Variants in EPB41L2 observed in about 807,000 individuals in gnomAD.
EPB41L2 encodes the protein erythrocyte membrane protein band 4.1 like 2.
In EPB41L2, 43 loss-of-function variants were observed where a neutral mutation model predicts 113.0. The ratio of observed to expected loss-of-function variants is 0.38; its 90% CI spans 0.30 to 0.49. The LOEUF is 0.49. EPB41L2 is among the 20% of genes least tolerant of loss of function. The pLI is 0.95. For missense variants in EPB41L2, 1,147 were observed against 1,223.4 expected (o/e 0.94, Z 0.93); for synonymous variants, 442 against 436.7 (o/e 1.01, Z -0.15).
At chr6:130,958,416 C>T (rs1183055796) in intron 1 of EPB41L2, among the ~76,000 whole-genome samples, 2 of 146,952 alleles carry the variant, frequency 1.4e-5, no homozygotes, top group Non-Finnish European at 3.0e-5. Flanking sequence ...TGTGTCACTG[C>T]ACTCCAGTCT....
Position 131,029,449 on chromosome 6 carries a change from C to G in EPB41L2, c.-15+33706G>C, listed in dbSNP as rs150032602. ...ATTCCACTAGTCAAATTCTGAAAAC[C>G]ACCTGGCTAAATAGCACATTAATAA... On this transcript the variant is annotated intron_variant, in intron 1 of 19. Transcript: ENST00000337057. Among the ~76,000 whole-genome samples the G allele has an allele frequency of 2.7e-5, 4 of 147,450 alleles. No homozygotes were observed. In the East Asian group the frequency reaches 8.0e-4, roughly 29 times the overall value.
At chr6:130,900,715 G>A (rs537285067) in intron 7 of EPB41L2, among the ~76,000 whole-genome samples, 1 of 152,222 alleles carries the variant, frequency 6.6e-6, no homozygotes, top group East Asian at 1.9e-4. Context: ...AGGTGTCATG[G>A]GGAAAAGTAC....
Position 131,045,103 on chromosome 6 carries a change from T to G in EPB41L2, c.-15+18052A>C, listed in dbSNP as rs565873109. On this transcript the variant is annotated intron_variant, in intron 1 of 19. Coordinates refer to ENST00000337057, the MANE Select transcript of EPB41L2 (RefSeq NM_001431.4). ...TCAACAAGTTGCCCCCCAGTAAGTT[T>G]TATCCCTTCAGTTATTTCTACGGCT... 3.9e-5 allele frequency among the ~76,000 whole-genome samples: 6 copies of G among 152,244 alleles called. No individual in the cohort carries two copies. The South Asian group carries it at 1.2e-3, about 32-fold the overall frequency.
chr6:130,919,569 G>T (rs549183324), intron 4 of EPB41L2, among the ~76,000 whole-genome samples: 1 of 151,992 alleles, frequency 6.6e-6, no homozygotes, highest in South Asian at 2.1e-4. Flanking sequence ...CCCCAGCCAC[G>T]TTCTCCCAAT....
At chr6:130,895,704 C>T (rs532454176) in intron 8 of EPB41L2, among the ~76,000 whole-genome samples, 2 of 152,174 alleles carry the variant, frequency 1.3e-5, no homozygotes, top group Non-Finnish European at 2.9e-5. Flanking sequence ...ACTTAGAATG[C>T]TGACATCCAG....
intron 1 of EPB41L2, among the ~76,000 whole-genome samples, chr6:131,060,882 A>C (rs908810015): frequency 2.6e-5 from 4 of 152,230 alleles, no homozygotes; most frequent in Non-Finnish European, 5.9e-5. Flanking sequence ...TGAAATATAC[A>C]CACTTAGTTG....
chr6:130,897,370 G>A (rs545733663), intron 8 of EPB41L2, among the ~76,000 whole-genome samples: 21 of 152,272 alleles, frequency 1.4e-4, no homozygotes, highest in African/African-American at 5.1e-4. Flanking sequence ...TACCTAAGGA[G>A]TCTATCGGAT....
chr6:130,895,022 A>G lies in EPB41L2; in HGVS notation c.1334T>C (p.Ile445Thr), dbSNP rs779871717. 2.5e-6 allele frequency: 4 copies of G among 1,613,942 alleles called. No individual in the cohort carries two copies. Among genetic ancestry groups the G allele is most frequent in the Non-Finnish European group, 3.4e-6 (4 of 1,179,890 alleles). Residue 445 changes from isoleucine (I) to threonine (T), a missense_variant, in exon 9 of 20, where the codon ATC becomes ACC. Coordinates refer to ENST00000337057, the MANE Select transcript of EPB41L2 (RefSeq NM_001431.4). ...LRINRFAWPK[I>T]LKISYKRSNF... ...ACTGCGTTTATAGGAAATTTTTAAGATTTTCGGCCAAGCAAAACGATTGAT... is the reference window on the plus strand; with the variant it reads ...ACTGCGTTTATAGGAAATTTTTAAGGTTTTCGGCCAAGCAAAACGATTGAT...
At chr6:130,991,756 T>C (rs1220268510) in intron 1 of EPB41L2, among the ~76,000 whole-genome samples, 2 of 152,252 alleles carry the variant, frequency 1.3e-5, no homozygotes, top group East Asian at 3.8e-4. Context: ...GTCAACAACA[T>C]GAAGATGCAT....
At chr6:130,983,395 A>G (rs373885161) in intron 1 of EPB41L2, among the ~76,000 whole-genome samples, 1 of 152,206 alleles carries the variant, frequency 6.6e-6, no homozygotes, top group East Asian at 1.9e-4. Context: ...TGCCAGCATC[A>G]CAGAGTGTAC....
chr6:130,870,233 G>C, intron 14 of EPB41L2, 107 bp from the exon 15 acceptor site: 1 of 1,522,132 alleles, frequency 6.6e-7, no homozygotes, highest in Non-Finnish European at 8.9e-7. Context: ...GAAAAACAAA[G>C]ATGATTATGA....
chr6:130,850,305 G>A (rs2128408884), intron 19 of EPB41L2, among the ~76,000 whole-genome samples: 1 of 152,190 alleles, frequency 6.6e-6, no homozygotes, highest in African/African-American at 2.4e-5. Flanking sequence ...ATTTGCCCTG[G>A]AGAAACAATG....
chr6:130,908,919 C>T (rs1022960206), intron 4 of EPB41L2, 56 bp from the exon 5 acceptor site: 2 of 1,316,558 alleles, frequency 1.5e-6, no homozygotes, highest in South Asian at 2.6e-5. Context: ...TAAAATAGAA[C>T]AGTTTACAGT....
intron 1 of EPB41L2, among the ~76,000 whole-genome samples, chr6:130,988,340 A>G (rs1328844406): frequency 6.6e-6 from 1 of 152,154 alleles, no homozygotes; most frequent in Non-Finnish European, 1.5e-5. Context: ...GTGATGTAAC[A>G]CCTAAATTCT....
At chr6:130,932,319 T>TC (rs1236211706) in intron 3 of EPB41L2, among the ~76,000 whole-genome samples, 1 of 66,160 alleles carries the variant, frequency 1.5e-5, no homozygotes, top group Admixed American at 1.8e-4. Flanking sequence ...AACATTGCTT[T>TC]TAAAAAAAAA....
At chr6:131,030,950 A>G (rs903320346) in intron 1 of EPB41L2, among the ~76,000 whole-genome samples, 2 of 152,004 alleles carry the variant, frequency 1.3e-5, no homozygotes, top group Non-Finnish European at 2.9e-5. Context: ...TTAGCAAGGC[A>G]TGGCAGTGGC....
At chr6:130,867,310 A>AGTACACTT in intron 16 of EPB41L2, 149 bp downstream of exon 16, 1 of 1,019,518 alleles carries the variant, frequency 9.8e-7, no homozygotes, top group Non-Finnish European at 1.4e-6. Context: ...GAACATAGCA[A>AGTACACTT]ATTATGTTGT....
At chr6:130,930,322 T>C (rs1275808670) in intron 3 of EPB41L2, among the ~76,000 whole-genome samples, 1 of 152,164 alleles carries the variant, frequency 6.6e-6, no homozygotes, top group Non-Finnish European at 1.5e-5. Context: ...TAGGAAAGAA[T>C]TACAGGTTGA....
intron 4 of EPB41L2, among the ~76,000 whole-genome samples, chr6:130,921,095 A>G (rs1247195896): frequency 6.6e-6 from 1 of 151,944 alleles, no homozygotes; most frequent in East Asian, 1.9e-4. Context: ...CATTACCTAC[A>G]CAGAATCTCT....
Sources: allele counts gnomAD v4.1 joint callset (sites outside exome capture counted in the v4.1 genomes callset), GRCh38; gene constraint gnomAD v4.1.1; transcripts MANE v1.5; gene names NCBI Gene and HGNC (gene_info 2026-07-23, HGNC 2026-07-21).